The following DYM variants were observed in gnomAD, a reference collection of about 807,000 sequenced individuals.
DYM encodes the protein dyggve-Melchior-Clausen syndrome protein.
A neutral mutation model predicts 93.1 loss-of-function variants in DYM; 78 were observed. That is an observed-to-expected ratio of 0.84 (90% confidence interval 0.70 to 1.01). The LOEUF (loss-of-function observed/expected upper bound fraction) is 1.01. DYM is among the 50% of genes least tolerant of loss of function. DYM has a pLI of 0.00. For missense variants in DYM, 789 were observed against 845.0 expected, an observed-to-expected ratio of 0.93 and a Z score of 0.82; for synonymous variants, 321 against 319.7, an observed-to-expected ratio of 1.00 and a Z score of -0.04.
chr18:49,422,919 G>A (rs372873432), intron 2 of DYM, among the ~76,000 whole-genome samples: 1 of 152,138 alleles, frequency 6.6e-6, no homozygotes, highest in Non-Finnish European at 1.5e-5. Context: ...GACCTACAAA[G>A]AGACTTAGAC....
At chr18:49,098,651 C>T (rs1336441314) in intron 16 of DYM, among the ~76,000 whole-genome samples, 1 of 152,188 alleles carries the variant, frequency 6.6e-6, no homozygotes, top group Non-Finnish European at 1.5e-5. Flanking sequence ...GCTGGCACCA[C>T]CAGCTACTTT....
At chr18:49,163,636 G>C (rs1378396887) in intron 15 of DYM, 49 bp downstream of exon 15, 12 of 1,273,684 alleles carry the variant, frequency 9.4e-6, no homozygotes, top group Non-Finnish European at 1.4e-5. Context: ...GAGTTACTGT[G>C]CCTGGCTGAA....
chr18:49,171,863 G>T (rs1483573251), intron 14 of DYM, among the ~76,000 whole-genome samples: 1 of 152,134 alleles, frequency 6.6e-6, no homozygotes, highest in African/African-American at 2.4e-5. Context: ...GCTTTATTGA[G>T]AAATAATCTT....
At chr18:49,330,092 T>C (rs2063202853) in intron 8 of DYM, among the ~76,000 whole-genome samples, 1 of 152,222 alleles carries the variant, frequency 6.6e-6, no homozygotes, top group Admixed American at 6.5e-5. Context: ...GAATGTCCTT[T>C]TGTTGTTTTT....
intron 13 of DYM, among the ~76,000 whole-genome samples, chr18:49,243,083 A>C (rs1018791515): frequency 1.5e-4 from 23 of 152,116 alleles, no homozygotes; most frequent in Admixed American, 1.1e-3. Context: ...CGCTACTTTA[A>C]AAGAGGAGAC....
Position 49,399,330 on chromosome 18 carries a change from A to C in DYM, c.141-7685T>G, listed in dbSNP as rs187355180. ...CAAAGAGAATAGTGCATGCAGAGGC[A>C]TCGCAGTCACAGAGAGCCTGGCATG... On this transcript the variant is annotated intron_variant, in intron 2 of 17. Transcript: ENST00000675505. 3.3e-5 allele frequency among the ~76,000 whole-genome samples: 5 copies of C among 152,342 alleles called. No homozygotes were observed. In the East Asian group the frequency reaches 9.6e-4, roughly 29 times the overall value.
intron 17 of DYM, among the ~76,000 whole-genome samples, chr18:49,067,768 T>C (rs1028803952): frequency 8.5e-5 from 13 of 152,114 alleles, no homozygotes; most frequent in Non-Finnish European, 1.9e-4. Context: ...CAGTTAAAAA[T>C]ATTAAATTTA....
intron 13 of DYM, among the ~76,000 whole-genome samples, chr18:49,213,661 T>A (rs2092897846): frequency 6.6e-6 from 1 of 152,150 alleles, no homozygotes; most frequent in Admixed American, 6.5e-5. Flanking sequence ...CTTAAAAAAA[T>A]GAGATTACCA....
intron 8 of DYM, among the ~76,000 whole-genome samples, chr18:49,318,797 C>CTTTTTTTTTTTTTTT (rs932617888): frequency 1.7e-5 from 2 of 114,382 alleles, no homozygotes; most frequent in African/African-American, 3.6e-5. Context: ...ATTTCTTTTT[C>CTTTTTTTTTTTTTTT]TTTTTTTTTT....
At chr18:49,290,247 T>C (rs1454118626) in intron 8 of DYM, among the ~76,000 whole-genome samples, 1 of 151,966 alleles carries the variant, frequency 6.6e-6, no homozygotes, top group African/African-American at 2.4e-5. Flanking sequence ...TATAAGGATG[T>C]AGATGTCTAT....
chr18:49,238,923 G>A (rs990874636), intron 13 of DYM, among the ~76,000 whole-genome samples: 4 of 152,086 alleles, frequency 2.6e-5, no homozygotes, highest in Admixed American at 2.0e-4. Context: ...CCCTCCAAAT[G>A]CTGCCCCTCA....
rs1445437474 is a variant in DYM at position 49,292,343 on chromosome 18, G to GAC, written c.764-5729_764-5728dup. Among the ~76,000 whole-genome samples the GAC allele has an allele frequency of 6.3e-5, 6 of 95,136 alleles. No homozygotes were observed. The East Asian group carries it at 8.3e-4, about 13-fold the overall frequency. The allele number at this position is 95,136 out of a possible 152,430, so 62.4% of individuals were successfully genotyped here. ...AGGCAGGCAGGCAGGCAGGCAGACA[G>GAC]ACAGACAGACAGACACACACACACA... On this transcript the variant is annotated intron_variant, in intron 8 of 17. Transcript: ENST00000675505.
intron 6 of DYM, among the ~76,000 whole-genome samples, chr18:49,350,723 A>C (rs2065036058): frequency 7.3e-6 from 1 of 137,396 alleles, no homozygotes; most frequent in Admixed American, 7.7e-5. Flanking sequence ...AAAGAAAAAA[A>C]AAGAAAAAAA....
chr18:49,427,960 G>A (rs1159597469), intron 2 of DYM, among the ~76,000 whole-genome samples: 4 of 151,948 alleles, frequency 2.6e-5, no homozygotes, highest in South Asian at 2.1e-4. Flanking sequence ...GCATGGCGGT[G>A]CATGCCTGTG....
chr18:49,217,214 A>G (rs1194573174), intron 13 of DYM, among the ~76,000 whole-genome samples: 1 of 152,222 alleles, frequency 6.6e-6, no homozygotes, highest in Non-Finnish European at 1.5e-5. Context: ...AAAAAGAATA[A>G]AAAGAAACGA....
chr18:49,204,924 T>C (rs867400873), intron 14 of DYM, among the ~76,000 whole-genome samples: 1 of 152,200 alleles, frequency 6.6e-6, no homozygotes, highest in Non-Finnish European at 1.5e-5. Flanking sequence ...AAAATGTGAC[T>C]CAGAACAAGA....
At chr18:49,054,681 C>T (rs927948210) in intron 17 of DYM, among the ~76,000 whole-genome samples, 1 of 152,180 alleles carries the variant, frequency 6.6e-6, no homozygotes, top group African/African-American at 2.4e-5. Context: ...TATCTAGGAA[C>T]ACCATGGCTG....
chr18:49,165,230 A>G (rs1182284987), intron 14 of DYM, among the ~76,000 whole-genome samples: 2 of 152,156 alleles, frequency 1.3e-5, no homozygotes, highest in Non-Finnish European at 2.9e-5. Context: ...AAACATAACA[A>G]TCCTAAATAC....
At chr18:49,170,118 A>T (rs967208427) in intron 14 of DYM, among the ~76,000 whole-genome samples, 1 of 152,194 alleles carries the variant, frequency 6.6e-6, no homozygotes, top group African/African-American at 2.4e-5. Flanking sequence ...TGAGTTATAT[A>T]TCAGGTGCTG....
Sources: allele counts gnomAD v4.1 joint callset (sites outside exome capture counted in the v4.1 genomes callset), GRCh38; gene constraint gnomAD v4.1.1; transcripts MANE v1.5; gene names NCBI Gene and HGNC (gene_info 2026-07-23, HGNC 2026-07-21).